EEFSEC: variants seen among roughly 807,000 people sequenced by gnomAD.
The protein encoded by EEFSEC is eukaryotic elongation factor, selenocysteine-tRNA specific.
In EEFSEC, 43 loss-of-function variants were observed where a neutral mutation model predicts 42.1. The observed-to-expected ratio is 1.02, with a 90% CI of 0.80 to 1.32. The LOEUF (loss-of-function observed/expected upper bound fraction) is 1.32, where lower values mean the gene tolerates loss of function less well. EEFSEC is among the 40% of genes most tolerant of loss of function. The pLI, the probability that EEFSEC is intolerant of heterozygous loss-of-function variation, is 0.00. For synonymous variants in EEFSEC, 354 were observed against 339.1 expected, an observed-to-expected ratio of 1.04 and a Z score of -0.48; for missense variants, 745 against 803.6, an observed-to-expected ratio of 0.93 and a Z score of 0.88.
chr3:128,286,360 T>C (rs974475020), intron 4 of EEFSEC, among the ~76,000 whole-genome samples: 1 of 152,262 alleles, frequency 6.6e-6, no homozygotes, highest in African/African-American at 2.4e-5. Flanking sequence ...GGAGTTAAAC[T>C]CTACCTCCTT....
intron 4 of EEFSEC, among the ~76,000 whole-genome samples, chr3:128,310,226 G>A (rs1467932546): frequency 6.6e-6 from 1 of 152,228 alleles, no homozygotes; most frequent in Non-Finnish European, 1.5e-5. Context: ...TAGGAAATTA[G>A]AACTCACCTT....
At chr3:128,353,589 G>A (rs1018501174) in intron 5 of EEFSEC, among the ~76,000 whole-genome samples, 4 of 152,250 alleles carry the variant, frequency 2.6e-5, no homozygotes. Flanking sequence ...CCCTGGGCCG[G>A]ACTTCTAGGC....
At chr3:128,299,783 A>C (rs1203930236) in intron 4 of EEFSEC, among the ~76,000 whole-genome samples, 2 of 152,232 alleles carry the variant, frequency 1.3e-5, no homozygotes, top group Non-Finnish European at 2.9e-5. Flanking sequence ...TGCTCCTCAG[A>C]GATGACCACG....
chr3:128,182,878 CGGGGCG>C (rs1448277672), intron 1 of EEFSEC, among the ~76,000 whole-genome samples: 2 of 4,570 alleles, frequency 4.4e-4, no homozygotes, highest in South Asian at 0.011. Context: ...CCACAGAGAT[CGGGGCG>C]GGGGGGTGGG....
intron 6 of EEFSEC, among the ~76,000 whole-genome samples, chr3:128,376,056 G>C (rs1333423056): frequency 6.6e-6 from 1 of 152,166 alleles, no homozygotes; most frequent in East Asian, 1.9e-4. Context: ...TCCCAGCCAG[G>C]CTTCTCCATA....
intron 1 of EEFSEC, among the ~76,000 whole-genome samples, chr3:128,193,027 A>G (rs1347437920): frequency 2.0e-5 from 3 of 152,214 alleles, no homozygotes; most frequent in Non-Finnish European, 4.4e-5. Flanking sequence ...CTTACGTGAC[A>G]ACATGGGAAT....
At chr3:128,362,392 C>G (rs1175586851) in intron 6 of EEFSEC, 3 of 415,330 alleles carry the variant, frequency 7.2e-6, no homozygotes, top group East Asian at 1.6e-4. Flanking sequence ...GGCATTTACT[C>G]TAGGACAGAA....
chr3:128,206,345 A>C (rs1331970035), intron 1 of EEFSEC, among the ~76,000 whole-genome samples: 2 of 152,212 alleles, frequency 1.3e-5, no homozygotes, highest in Admixed American at 6.5e-5. Flanking sequence ...GCATTTGACC[A>C]ATCATTAACC....
chr3:128,390,066 T>C (rs931921729), intron 6 of EEFSEC, among the ~76,000 whole-genome samples: 2 of 152,252 alleles, frequency 1.3e-5, no homozygotes, highest in Non-Finnish European at 2.9e-5. Flanking sequence ...GCGCTGGCCC[T>C]AAATTTTTCT....
At chr3:128,372,795 G>C (rs1277231554) in intron 6 of EEFSEC, among the ~76,000 whole-genome samples, 1 of 152,200 alleles carries the variant, frequency 6.6e-6, no homozygotes, top group Non-Finnish European at 1.5e-5. Context: ...CCACAGCACA[G>C]CAGCCCTCTC....
chr3:128,281,411 T>C (rs1324404472), intron 4 of EEFSEC, among the ~76,000 whole-genome samples: 1 of 152,190 alleles, frequency 6.6e-6, no homozygotes, highest in African/African-American at 2.4e-5. Context: ...CCTGATGTGG[T>C]GTGGCAGCCT....
intron 4 of EEFSEC, among the ~76,000 whole-genome samples, chr3:128,299,450 A>G (rs372912297): frequency 6.6e-6 from 1 of 152,144 alleles, no homozygotes; most frequent in South Asian, 2.1e-4. Context: ...GTTTTTTGCT[A>G]TTAAGTTGAG....
intron 4 of EEFSEC, among the ~76,000 whole-genome samples, chr3:128,336,603 G>T (rs1476704162): frequency 6.6e-6 from 1 of 152,128 alleles, no homozygotes; most frequent in African/African-American, 2.4e-5. Flanking sequence ...AGGGCCTTAG[G>T]CCTGCTCTGC....
At chr3:128,330,780 CTT>C (rs2067119327) in intron 4 of EEFSEC, among the ~76,000 whole-genome samples, 1 of 143,214 alleles carries the variant, frequency 7.0e-6, no homozygotes, top group Non-Finnish European at 1.5e-5. Context: ...CCTCTTCCCC[CTT>C]CCTCAGTGCA....
intron 4 of EEFSEC, among the ~76,000 whole-genome samples, chr3:128,316,953 A>G (rs957990344): frequency 2.0e-5 from 3 of 152,222 alleles, no homozygotes; most frequent in African/African-American, 7.2e-5. Flanking sequence ...CCACTATTTC[A>G]TTAAACAACA....
intron 1 of EEFSEC, among the ~76,000 whole-genome samples, chr3:128,173,535 G>C (rs1471252454): frequency 2.0e-5 from 3 of 152,170 alleles, no homozygotes; most frequent in Non-Finnish European, 2.9e-5. Flanking sequence ...AATATTTCCA[G>C]TGCTATCTGT....
At chr3:128,255,331 G>A (rs944343047) in intron 2 of EEFSEC, among the ~76,000 whole-genome samples, 1 of 152,200 alleles carries the variant, frequency 6.6e-6, no homozygotes, top group Non-Finnish European at 1.5e-5. Context: ...AGGGAAGGAT[G>A]CCACTGCTGG....
At chr3:128,380,427 C>G (rs897351533) in intron 6 of EEFSEC, among the ~76,000 whole-genome samples, 1 of 152,190 alleles carries the variant, frequency 6.6e-6, no homozygotes, top group Non-Finnish European at 1.5e-5. Flanking sequence ...CCTTCAATCT[C>G]TCTTCACCTC....
downstream of EEFSEC, among the ~76,000 whole-genome samples, chr3:128,411,021 C>T (rs967289017): frequency 6.6e-6 from 1 of 152,216 alleles, no homozygotes; most frequent in Non-Finnish European, 1.5e-5. Flanking sequence ...TCTGTGTGGC[C>T]TGAAAACGCC....
Sources: allele counts gnomAD v4.1 joint callset (sites outside exome capture counted in the v4.1 genomes callset), GRCh38; gene constraint gnomAD v4.1.1; transcripts MANE v1.5; gene names NCBI Gene and HGNC (gene_info 2026-07-23, HGNC 2026-07-21).